Variants in NCAPG2 observed in about 807,000 individuals in gnomAD.
The protein encoded by NCAPG2 is non-SMC condensin II complex subunit G2.
NCAPG2 carries 53 observed loss-of-function variants against 141.1 expected under a neutral mutation model. The observed-to-expected ratio is 0.38, with a 90% CI of 0.30 to 0.47. The LOEUF is 0.47. NCAPG2 is among the 20% of genes least tolerant of loss of function. The probability of loss-of-function intolerance (pLI) is 0.99; values close to 1 mark genes in which losing one functional copy is unlikely to be tolerated. For missense variants in NCAPG2, 1,087 were observed against 1,389.0 expected (o/e 0.78, Z 3.46); for synonymous variants, 499 against 490.7 (o/e 1.02, Z -0.22).
At chr7:158,651,338 G>C (rs999245208) in intron 23 of NCAPG2, among the ~76,000 whole-genome samples, 1 of 152,184 alleles carries the variant, frequency 6.6e-6, no homozygotes, top group Non-Finnish European at 1.5e-5. Context: ...CAGGTCTGAT[G>C]GGAAACCTAA....
intron 24 of NCAPG2, among the ~76,000 whole-genome samples, chr7:158,649,180 A>G (rs925582360): frequency 6.6e-6 from 1 of 152,252 alleles, no homozygotes; most frequent in Non-Finnish European, 1.5e-5. Context: ...ATCAAAAAGA[A>G]AAAGCTCCCA....
intron 2 of NCAPG2, chr7:158,696,055 T>C (rs1215181991): frequency 1.3e-5 from 2 of 152,286 alleles, no homozygotes; most frequent in South Asian, 2.1e-4. Flanking sequence ...AGGGGAAGTC[T>C]TGTTGCGTAG....
At position 158,671,663 on chromosome 7, in the gene NCAPG2, G is replaced by A. The variant is rs763710212; in HGVS notation, c.1330C>T (p.Leu444=). ...ADVRCSVFKC[L]PMILDNKLSH... The stretch of plus-strand genomic sequence containing the variant: ...AGTTTGTTGTCCAAAATCATTGGCA[G>A]ACACTGCAACAGAGAGAAAGATAAA... Residue 444 remains leucine, a synonymous_variant, in exon 13 of 28, where the codon CTG becomes TTG. Transcript: ENST00000356309. 6 of 1,614,104 alleles carry A rather than the reference G, an allele frequency of 3.7e-6. No homozygotes were observed. The highest frequency in any genetic ancestry group is 5.1e-6 in the Non-Finnish European group (6 of 1,180,012).
In NCAPG2 at chr7:158,646,575, C is replaced by T. The variant is rs751262950; in HGVS notation, c.3076-12G>A. On this transcript the variant is annotated splice_polypyrimidine_tract_variant and intron_variant, in intron 24 of 27. Coordinates refer to ENST00000356309, the MANE Select transcript of NCAPG2 (RefSeq NM_017760.7). ...TCTACGTCAGAAACCTAAAAAAGTT[C>T]CAAATCAGCAAGTTGTAAACAGAGA... The T allele has an allele frequency of 6.5e-7, 1 of 1,548,512 alleles. No homozygotes were observed. Among genetic ancestry groups the T allele is most frequent in the African/African-American group, 1.4e-5 (1 of 70,276 alleles).
At chr7:158,658,696 G>C (rs1049226371) in intron 16 of NCAPG2, among the ~76,000 whole-genome samples, 33 of 152,154 alleles carry the variant, frequency 2.2e-4, no homozygotes, top group African/African-American at 7.7e-4. Flanking sequence ...GAATATGCCA[G>C]TAAGCAGGAT....
Position 158,654,673 on chromosome 7 carries a change from C to T in NCAPG2, c.2668G>A (p.Asp890Asn), listed in dbSNP as rs1477316491. 1.9e-6 allele frequency: 3 copies of T among 1,613,846 alleles called. No individual in the cohort carries two copies. The highest frequency in any genetic ancestry group is 2.5e-6 in the Non-Finnish European group (3 of 1,179,972). The change falls in exon 22 of 28, where the codon GAT becomes AAT. Residue 890 changes from aspartate (D) to asparagine (N), a missense_variant. Asp to Asn is a conservative substitution (Grantham distance 23). Coordinates refer to ENST00000356309, the MANE Select transcript of NCAPG2 (RefSeq NM_017760.7). ...TCACCAAGGCCTACCATAACAACATCTTTACACACAGTCAGGTAGGTCTGT... is the reference window on the plus strand; with the variant it reads ...TCACCAAGGCCTACCATAACAACATTTTTACACACAGTCAGGTAGGTCTGT... ...IIQTYLTVCK[D>N]VVMVGLGDHQ... is the part of the protein sequence containing the mutation.
chr7:158,652,564 T>C, intron 22 of NCAPG2, 84 bp from the exon 23 acceptor site: 1 of 1,083,910 alleles, frequency 9.2e-7, no homozygotes, highest in Non-Finnish European at 1.3e-6. Flanking sequence ...AACACATGTA[T>C]AAAATGGTAA....
chr7:158,689,810 C>A lies in NCAPG2; in HGVS notation c.672+9G>T. On this transcript the variant is annotated intron_variant, in intron 6 of 27. Transcript: ENST00000356309. ...TCACAAACAGATCAAAAAACAAATA[C>A]CTATTTACCTCTTCTTTCTTGATAT... 1 of 1,564,262 alleles carries A rather than the reference C, an allele frequency of 6.4e-7. No homozygotes were observed. Among genetic ancestry groups the A allele is most frequent in the Non-Finnish European group, 8.7e-7 (1 of 1,148,880 alleles).
At chr7:158,652,811 T>G in intron 22 of NCAPG2, among the ~76,000 whole-genome samples, 1 of 152,244 alleles carries the variant, frequency 6.6e-6, no homozygotes, top group Non-Finnish European at 1.5e-5. Flanking sequence ...ACACCTGAAT[T>G]AGAGAACAGT....
intron 12 of NCAPG2, among the ~76,000 whole-genome samples, chr7:158,673,063 G>C (rs147015321): frequency 6.6e-6 from 1 of 152,184 alleles, no homozygotes; most frequent in South Asian, 2.1e-4. Context: ...AGAGAAGACC[G>C]GCCAGGGAGC....
chr7:158,681,802 T>A (rs926660229), intron 9 of NCAPG2, among the ~76,000 whole-genome samples: 1 of 152,194 alleles, frequency 6.6e-6, no homozygotes, highest in African/African-American at 2.4e-5. Context: ...TTCAGTGGCT[T>A]TCAGTATATT....
Position 158,678,108 on chromosome 7 carries a change from TTA to T in NCAPG2, c.1146+1850_1146+1851del, listed in dbSNP as rs757007698. ...CACTGCACCTAGACCCTTTTTTATTTTAAAAAAAAAAAAAAGGTTCTCCATAT... is the reference window on the plus strand; with the variant it reads ...CACTGCACCTAGACCCTTTTTTATTTAAAAAAAAAAAAAGGTTCTCCATAT... On this transcript the variant is annotated intron_variant, in intron 11 of 27. Transcript: ENST00000356309. Among the ~76,000 whole-genome samples, 88 of 39,152 alleles carry T rather than the reference TTA, an allele frequency of 2.2e-3. 2 individuals are homozygous for T. The East Asian group carries it at 0.07, about 31-fold the overall frequency. 25.7% of individuals were successfully genotyped at this position (39,152 alleles called of 152,430 possible).
chr7:158,656,134 A>G, intron 19 of NCAPG2, 126 bp downstream of exon 19: 1 of 1,232,208 alleles, frequency 8.1e-7, no homozygotes, highest in Non-Finnish European at 1.1e-6. Context: ...ATGAGGTGAC[A>G]TGATCACTCT....
At chr7:158,660,377 G>A (rs942944960) in intron 16 of NCAPG2, among the ~76,000 whole-genome samples, 1 of 138,362 alleles carries the variant, frequency 7.2e-6, no homozygotes, top group Non-Finnish European at 1.5e-5. Context: ...TGGTTTCTCA[G>A]TCCCAGGTCA....
chr7:158,688,784 G>C (rs897593642), intron 6 of NCAPG2, among the ~76,000 whole-genome samples: 1 of 152,228 alleles, frequency 6.6e-6, no homozygotes, highest in East Asian at 1.9e-4. Flanking sequence ...AAAGGTCTCA[G>C]TCCTAATCAC....
intron 21 of NCAPG2, 134 bp from the exon 22 acceptor site, chr7:158,654,828 A>T: frequency 7.2e-7 from 1 of 1,394,194 alleles, no homozygotes. Flanking sequence ...TTTATAAAGG[A>T]ATTTTCATAA....
At chr7:158,698,532 G>A (rs1253478076) in intron 2 of NCAPG2, among the ~76,000 whole-genome samples, 1 of 152,190 alleles carries the variant, frequency 6.6e-6, no homozygotes, top group Non-Finnish European at 1.5e-5. Context: ...ATGCCACACA[G>A]GTTTGTAGCC....
At position 158,668,453 on chromosome 7, in the gene NCAPG2, G is replaced by C. The variant is rs1417842319; in HGVS notation, c.1479+3061C>G. 5 of 975,920 alleles carry C rather than the reference G, an allele frequency of 5.1e-6. No individual in the cohort carries two copies. The African/African-American group carries it at 7.0e-5, about 14-fold the overall frequency. The allele number at this position is 975,920 out of a possible 1,614,324, so 60.5% of individuals were successfully genotyped here. On this transcript the variant is annotated intron_variant, in intron 13 of 27. Coordinates refer to ENST00000356309, the MANE Select transcript of NCAPG2 (RefSeq NM_017760.7). ...AGTTATTCTTTTTTTATAAAATAATGGTAGAGTGGTTTTAAGTGCTTATCT... is the reference window on the plus strand; with the variant it reads ...AGTTATTCTTTTTTTATAAAATAATCGTAGAGTGGTTTTAAGTGCTTATCT...
chr7:158,684,145 G>A (rs1834614423), intron 8 of NCAPG2, among the ~76,000 whole-genome samples: 1 of 152,226 alleles, frequency 6.6e-6, no homozygotes, highest in African/African-American at 2.4e-5. Flanking sequence ...TCCTTCACCT[G>A]AAGTCACTTA....
Sources: allele counts gnomAD v4.1 joint callset (sites outside exome capture counted in the v4.1 genomes callset), GRCh38; gene constraint gnomAD v4.1.1; transcripts MANE v1.5; gene names NCBI Gene and HGNC (gene_info 2026-07-23, HGNC 2026-07-21).